Variants in ATP1B1 observed in about 807,000 individuals in gnomAD.
ATP1B1 encodes the protein ATPase Na+/K+ transporting subunit beta 1.
A neutral mutation model predicts 39.6 loss-of-function variants in ATP1B1; 3 were observed. The observed-to-expected ratio is 0.08, with a 90% CI of 0.03 to 0.20. ATP1B1 has a LOEUF of 0.20. Among genes scored for constraint, ATP1B1 ranks in the 10% least tolerant of loss-of-function variants. ATP1B1 has a pLI of 1.00. For missense variants in ATP1B1, 216 were observed against 371.1 expected, an observed-to-expected ratio of 0.58 and a Z score of 3.43; for synonymous variants, 139 against 135.0, an observed-to-expected ratio of 1.03 and a Z score of -0.20.
In ATP1B1 at chr1:169,110,567, C is replaced by CTTTTTTT. The variant is rs11423213; in HGVS notation, c.98-790_98-784dup. The CTTTTTTT allele has an allele frequency of 2.8e-4, 120 of 434,630 alleles. 1 individual carries two copies. The highest frequency in any genetic ancestry group is 6.0e-4 in the African/African-American group (20 of 33,544). 26.9% of individuals were successfully genotyped at this position (434,630 alleles called of 1,614,324 possible). ...CCTCATTCCCATCTATGTGTTGAGTCTTTTTTTTTTTTTTTTTTTGCTTTT... is the reference window on the plus strand; with the variant it reads ...CCTCATTCCCATCTATGTGTTGAGTCTTTTTTTTTTTTTTTTTTTTTTTTTTGCTTTT... On this transcript the variant is annotated intron_variant, in intron 1 of 5. Coordinates refer to ENST00000367815, the MANE Select transcript of ATP1B1 (RefSeq NM_001677.4).
chr1:169,127,844 C>T (rs1331906980), intron 4 of ATP1B1, among the ~76,000 whole-genome samples: 1 of 151,828 alleles, frequency 6.6e-6, no homozygotes, highest in African/African-American at 2.4e-5. Flanking sequence ...CATGTATAGT[C>T]CAGTTTTGGT....
chr1:169,123,318 A>G (rs546002249), intron 2 of ATP1B1, among the ~76,000 whole-genome samples: 11 of 151,422 alleles, frequency 7.3e-5, no homozygotes, highest in African/African-American at 2.7e-4. Context: ...ACGATTTTGC[A>G]GGTCTGGAGG....
At chr1:169,130,825 CA>C (rs1272763425) in intron 5 of ATP1B1, among the ~76,000 whole-genome samples, 2 of 131,516 alleles carry the variant, frequency 1.5e-5, no homozygotes, top group African/African-American at 5.7e-5. Context: ...ACTAAGGTAA[CA>C]ATTAGTGCAT....
intron 1 of ATP1B1, among the ~76,000 whole-genome samples, chr1:169,108,764 A>C (rs73033743): frequency 0.05 from 7,590 of 152,262 alleles, 615 homozygotes; most frequent in African/African-American, 0.17. Context: ...GCAAGCTATC[A>C]GTATGCTGAT....
Position 169,132,675 on chromosome 1 carries a change from G to T in ATP1B1, c.*1120G>T. On this transcript the variant is annotated 3_prime_UTR_variant, in exon 6 of 6. Coordinates refer to ENST00000367815, the MANE Select transcript of ATP1B1 (RefSeq NM_001677.4). The stretch of plus-strand genomic sequence containing the variant: ...GGAGTACAGTGCTCTTGTTGATCTT[G>T]TATTCAGTCAGGTTAAAACAACGGA... 2 of 991,218 alleles carry T rather than the reference G, an allele frequency of 2.0e-6. No individual in the cohort carries two copies. Among genetic ancestry groups the T allele is most frequent in the Non-Finnish European group, 3.1e-6 (2 of 651,558 alleles). 61.4% of individuals were successfully genotyped at this position (991,218 alleles called of 1,614,324 possible).
intron 4 of ATP1B1, among the ~76,000 whole-genome samples, chr1:169,129,016 C>G (rs1388080621): frequency 6.6e-6 from 1 of 152,296 alleles, no homozygotes; most frequent in African/African-American, 2.4e-5. Context: ...TCTCACTATC[C>G]TCACCATTGG....
At chr1:169,119,317 T>C (rs1258360522) in intron 2 of ATP1B1, among the ~76,000 whole-genome samples, 1 of 152,242 alleles carries the variant, frequency 6.6e-6, no homozygotes, top group Non-Finnish European at 1.5e-5. Context: ...TTAAGGCAAA[T>C]GATCCTATCA....
intron 2 of ATP1B1, among the ~76,000 whole-genome samples, chr1:169,116,935 A>C (rs1657860347): frequency 6.6e-6 from 1 of 152,172 alleles, no homozygotes; most frequent in Non-Finnish European, 1.5e-5. Context: ...TGATTAAGTA[A>C]AATTCCTGAG....
chr1:169,117,402 A>T (rs1471570468), intron 2 of ATP1B1, among the ~76,000 whole-genome samples: 1 of 152,244 alleles, frequency 6.6e-6, no homozygotes, highest in Non-Finnish European at 1.5e-5. Context: ...ACAAGGGTAC[A>T]ACTAGTAAGT....
intron 3 of ATP1B1, among the ~76,000 whole-genome samples, chr1:169,126,635 C>T (rs1313451389): frequency 6.6e-6 from 1 of 152,144 alleles, no homozygotes; most frequent in Non-Finnish European, 1.5e-5. Flanking sequence ...CTTTAGAGCC[C>T]AGGAGGTTGA....
intron 4 of ATP1B1, among the ~76,000 whole-genome samples, chr1:169,129,293 G>A (rs1658155475): frequency 6.6e-6 from 1 of 152,168 alleles, no homozygotes; most frequent in African/African-American, 2.4e-5. Flanking sequence ...TTCCAGCGAA[G>A]TATGTTCATC....
intron 1 of ATP1B1, among the ~76,000 whole-genome samples, chr1:169,110,086 T>G (rs1657695561): frequency 6.6e-6 from 1 of 152,138 alleles, no homozygotes; most frequent in South Asian, 2.1e-4. Flanking sequence ...GAAAAAGGAT[T>G]ATGATTAAGC....
intron 2 of ATP1B1, among the ~76,000 whole-genome samples, chr1:169,124,670 A>G (rs899617082): frequency 2.6e-5 from 4 of 152,192 alleles, no homozygotes; most frequent in African/African-American, 9.7e-5. Flanking sequence ...AAGTGTTGCT[A>G]TGGAAATTAA....
At chr1:169,125,323 T>C (rs1658064040) in intron 3 of ATP1B1, among the ~76,000 whole-genome samples, 1 of 145,662 alleles carries the variant, frequency 6.9e-6, no homozygotes, top group Non-Finnish European at 1.5e-5. Flanking sequence ...TCCGGTTTTC[T>C]TTCTCTTACA....
In ATP1B1 at chr1:169,106,818, C is replaced by G; in HGVS notation, c.-12C>G. On this transcript the variant is annotated 5_prime_UTR_variant, in exon 1 of 6. Transcript: ENST00000367815. ...CCCTCCGGACCGCGGCAGCTGCTGA[C>G]CCGCCATCGCCATGGCCCGCGGGAA... 1 of 1,571,448 alleles carries G rather than the reference C, an allele frequency of 6.4e-7. No individual in the cohort carries two copies. The highest frequency in any genetic ancestry group is 8.6e-7 in the Non-Finnish European group (1 of 1,161,978).
At chr1:169,119,067 C>T (rs1657916599) in intron 2 of ATP1B1, among the ~76,000 whole-genome samples, 1 of 152,188 alleles carries the variant, frequency 6.6e-6, no homozygotes, top group African/African-American at 2.4e-5. Context: ...GCCTTTTCCC[C>T]CTTGTGCTAT....
chr1:169,123,890 G>C (rs1003138098), intron 2 of ATP1B1, among the ~76,000 whole-genome samples: 1 of 152,196 alleles, frequency 6.6e-6, no homozygotes, highest in Non-Finnish European at 1.5e-5. Flanking sequence ...GCCTCCCAAA[G>C]TGTTGGGATT....
chr1:169,130,468 T>G (rs1571229218), intron 5 of ATP1B1, among the ~76,000 whole-genome samples: 3 of 151,930 alleles, frequency 2.0e-5, no homozygotes, highest in African/African-American at 7.3e-5. Context: ...CACATAAAAA[T>G]TAGTGGTTTG....
intron 2 of ATP1B1, among the ~76,000 whole-genome samples, chr1:169,124,657 A>G (rs1324363014): frequency 6.6e-6 from 1 of 152,208 alleles, no homozygotes; most frequent in Non-Finnish European, 1.5e-5. Flanking sequence ...GATGCCTACC[A>G]TGAAGTGTTG....
Sources: allele counts gnomAD v4.1 joint callset (sites outside exome capture counted in the v4.1 genomes callset), GRCh38; gene constraint gnomAD v4.1.1; transcripts MANE v1.5; gene names NCBI Gene and HGNC (gene_info 2026-07-23, HGNC 2026-07-21).